MARCHF1: variants seen among roughly 807,000 people sequenced by gnomAD.
MARCHF1 encodes E3 ubiquitin-protein ligase MARCHF1.
MARCHF1 carries 40 observed loss-of-function variants against 54.2 expected under a neutral mutation model. The ratio of observed to expected loss-of-function variants is 0.74; its 90% CI spans 0.57 to 0.96. The LOEUF is 0.96. Among genes scored for constraint, MARCHF1 ranks in the 40% least tolerant of loss-of-function variants. The pLI, the probability that MARCHF1 is intolerant of heterozygous loss-of-function variation, is 0.00. For synonymous variants in MARCHF1, 236 were observed against 236.3 expected (o/e 1.00, Z 0.01); for missense variants, 586 against 656.5 (o/e 0.89, Z 1.17).
intron 1 of MARCHF1, among the ~76,000 whole-genome samples, chr4:164,226,908 T>C (rs1211113603): frequency 6.6e-6 from 1 of 152,084 alleles, no homozygotes; most frequent in Non-Finnish European, 1.5e-5. Context: ...TTTATTGCAA[T>C]ACCATGTCCC....
At chr4:163,648,590 T>G (rs148821104) in intron 5 of MARCHF1, among the ~76,000 whole-genome samples, 2 of 123,458 alleles carry the variant, frequency 1.6e-5, no homozygotes, top group Non-Finnish European at 3.2e-5. Context: ...ATAGCAGGGG[T>G]AGCAAATTAT....
chr4:163,690,100 T>C (rs1047782328), intron 5 of MARCHF1, among the ~76,000 whole-genome samples: 3 of 152,152 alleles, frequency 2.0e-5, no homozygotes, highest in African/African-American at 4.8e-5. Flanking sequence ...CCAGAGTTCT[T>C]CAGCTAAGGA....
intron 4 of MARCHF1, among the ~76,000 whole-genome samples, chr4:163,722,406 A>C (rs1745502958): frequency 6.6e-6 from 1 of 152,040 alleles, no homozygotes; most frequent in African/African-American, 2.4e-5. Flanking sequence ...AGTTTGTTAT[A>C]ATTTCTGTTC....
intron 4 of MARCHF1, among the ~76,000 whole-genome samples, chr4:163,722,886 C>T (rs531041598): frequency 6.6e-6 from 1 of 152,244 alleles, no homozygotes; most frequent in South Asian, 2.1e-4. Flanking sequence ...GGTAGATCTT[C>T]CTCCATCCCT....
chr4:164,203,887 G>C (rs1241179630), intron 1 of MARCHF1, among the ~76,000 whole-genome samples: 1 of 152,122 alleles, frequency 6.6e-6, no homozygotes, highest in African/African-American at 2.4e-5. Flanking sequence ...GGTTACAATT[G>C]TAAAATGTGT....
At chr4:164,177,727 G>A (rs936439644) in intron 1 of MARCHF1, among the ~76,000 whole-genome samples, 2 of 151,708 alleles carry the variant, frequency 1.3e-5, no homozygotes, top group African/African-American at 4.9e-5. Context: ...ATAATTTCAG[G>A]TAAAATGCCA....
chr4:164,208,483 C>T (rs1579624571), intron 1 of MARCHF1, among the ~76,000 whole-genome samples: 1 of 152,274 alleles, frequency 6.6e-6, no homozygotes, highest in East Asian at 1.9e-4. Context: ...TTTCCTGAGT[C>T]TTCCCAGATG....
chr4:163,893,164 G>C (rs1156847984), intron 3 of MARCHF1, among the ~76,000 whole-genome samples: 1 of 151,630 alleles, frequency 6.6e-6, no homozygotes, highest in East Asian at 1.9e-4. Context: ...TTTTGAGATG[G>C]AGTCTCACTC....
rs1398264356 is a variant in MARCHF1, at chr4:163,525,736, T to C, written c.*3012A>G. 6.6e-6 allele frequency: 1 copy of C among 152,056 alleles called. No homozygotes were observed. Among genetic ancestry groups the C allele is most frequent in the African/African-American group, 2.4e-5 (1 of 41,424 alleles). 9.4% of individuals were successfully genotyped at this position (152,056 alleles called of 1,614,324 possible). On this transcript the variant is annotated 3_prime_UTR_variant, in exon 10 of 10. Transcript: ENST00000514618. ...TTTTTTTCAATTCCATTTTATTTCT[T>C]CCACGAGCAGGTAAACATGCCTCAA... is the stretch of plus-strand genomic sequence containing the variant.
At chr4:163,815,533 T>C (rs1472334576) in intron 4 of MARCHF1, among the ~76,000 whole-genome samples, 1 of 152,140 alleles carries the variant, frequency 6.6e-6, no homozygotes, top group African/African-American at 2.4e-5. Context: ...AATTCCTCCA[T>C]GAGGATTACA....
rs184244061 is a variant in MARCHF1 at position 164,068,282 on chromosome 4, A to T, written c.-248+43306T>A. On this transcript the variant is annotated intron_variant, in intron 2 of 9. Transcript: ENST00000514618. ...CTCTCGGCACCTCCTCAGTCTTGGC[A>T]CCCACTCTGGCCACACTTGAGGAGC... 5.2e-3 allele frequency among the ~76,000 whole-genome samples: 796 copies of T among 152,126 alleles called. 4 individuals are homozygous for T. Among genetic ancestry groups the T allele is most frequent in the African/African-American group, 0.018 (745 of 41,514 alleles).
At chr4:164,043,590 CT>C (rs1488055366) in intron 2 of MARCHF1, among the ~76,000 whole-genome samples, 1 of 152,122 alleles carries the variant, frequency 6.6e-6, no homozygotes, top group Non-Finnish European at 1.5e-5. Context: ...TCCTTGAATT[CT>C]CTGGAGACAT....
At chr4:163,929,958 TATATAATATATATAA>T (rs1180154204) in intron 3 of MARCHF1, among the ~76,000 whole-genome samples, 5 of 62,798 alleles carry the variant, frequency 8.0e-5, no homozygotes, top group Non-Finnish European at 1.5e-4. Flanking sequence ...ATATATATTA[TATATAATATATATAA>T]TATATATAAT....
At chr4:164,356,763 T>TA (rs1227464195) in intron 1 of MARCHF1, among the ~76,000 whole-genome samples, 456 of 30,770 alleles carry the variant, frequency 0.015, 9 homozygotes, top group South Asian at 0.035. Flanking sequence ...TAAAGTATAA[T>TA]AAAAAAAAAA....
intron 1 of MARCHF1, among the ~76,000 whole-genome samples, chr4:164,298,079 A>G (rs1241151992): frequency 6.6e-6 from 1 of 152,010 alleles, no homozygotes; most frequent in Non-Finnish European, 1.5e-5. Context: ...CAAAAACACA[A>G]GACCCAAATA....
At chr4:163,927,822 T>C (rs1299971087) in intron 3 of MARCHF1, among the ~76,000 whole-genome samples, 1 of 151,842 alleles carries the variant, frequency 6.6e-6, no homozygotes, top group African/African-American at 2.4e-5. Flanking sequence ...AATTTTAAAA[T>C]TAGCATACCG....
At chr4:164,029,429 T>C (rs1176822828) in intron 2 of MARCHF1, among the ~76,000 whole-genome samples, 2 of 151,876 alleles carry the variant, frequency 1.3e-5, no homozygotes, top group Non-Finnish European at 2.9e-5. Context: ...GCCCCCATGA[T>C]CCAATCACCT....
intron 3 of MARCHF1, among the ~76,000 whole-genome samples, chr4:163,856,821 G>A (rs1749778844): frequency 6.6e-6 from 1 of 151,940 alleles, no homozygotes; most frequent in African/African-American, 2.4e-5. Flanking sequence ...GATCAGCCTG[G>A]CCAACATGGT....
intron 3 of MARCHF1, among the ~76,000 whole-genome samples, chr4:163,917,094 C>T (rs1035892649): frequency 6.6e-6 from 1 of 152,164 alleles, no homozygotes; most frequent in African/African-American, 2.4e-5. Flanking sequence ...TGTGGAATCA[C>T]ACAGTATGTA....
Sources: gnomAD v4.1 joint callset for allele counts (sites outside exome capture counted in the v4.1 genomes callset) on GRCh38, gnomAD v4.1.1 for gene constraint, MANE v1.5 for transcripts, NCBI Gene and HGNC (gene_info 2026-07-23, HGNC 2026-07-21) for gene names.